SLC20A2: variants seen among roughly 807,000 people sequenced by gnomAD.
SLC20A2 encodes the protein sodium-dependent phosphate transporter 2.
In SLC20A2, 30 loss-of-function variants were observed where a neutral mutation model predicts 61.0. That is an observed-to-expected ratio of 0.49 (90% CI 0.37 to 0.67). The LOEUF (loss-of-function observed/expected upper bound fraction) is 0.67. SLC20A2 is among the 30% of genes least tolerant of loss of function. SLC20A2 has a pLI of 0.00. For synonymous variants in SLC20A2, 351 were observed against 353.3 expected, an observed-to-expected ratio of 0.99 and a Z score of 0.07; for missense variants, 626 against 866.4, an observed-to-expected ratio of 0.72 and a Z score of 3.48.
chr8:42,418,988 G>A (rs1425130489), intron 10 of SLC20A2, among the ~76,000 whole-genome samples: 4 of 117,542 alleles, frequency 3.4e-5, no homozygotes, highest in Admixed American at 1.1e-4. Context: ...CAACCTGGGC[G>A]ACAGAGAGAG....
chr8:42,530,133 T>C (rs771844431), intron 1 of SLC20A2, among the ~76,000 whole-genome samples: 1 of 152,112 alleles, frequency 6.6e-6, no homozygotes, highest in South Asian at 2.1e-4. Context: ...ATGAATTTTT[T>C]CAGGTGAAAA....
chr8:42,533,302 A>G (rs761140097), intron 1 of SLC20A2, among the ~76,000 whole-genome samples: 2 of 152,082 alleles, frequency 1.3e-5, no homozygotes, highest in African/African-American at 2.4e-5. Context: ...GTTCTAATCA[A>G]CAAACTACTT....
intron 1 of SLC20A2, among the ~76,000 whole-genome samples, chr8:42,516,742 T>G (rs570974635): frequency 6.6e-6 from 1 of 152,194 alleles, no homozygotes; most frequent in African/African-American, 2.4e-5. Context: ...CCTTTCTCCA[T>G]CCACCACTAG....
rs147775311 is a variant in SLC20A2, at chr8:42,437,882, C to T, written c.935-305G>A. ...GCCCACCTTGGCCTCCTAAAGTGCTCGGATTACAAGCGTGAGCCAACGTGC... is the reference window on the plus strand; with the variant it reads ...GCCCACCTTGGCCTCCTAAAGTGCTTGGATTACAAGCGTGAGCCAACGTGC... On this transcript the variant is annotated intron_variant, in intron 7 of 10. Transcript: ENST00000520262. The surrounding 1 kb of genome is among the most constrained non-coding windows in gnomAD (Gnocchi z 6.4). Among the ~76,000 whole-genome samples the T allele has an allele frequency of 6.6e-6, 1 of 151,592 alleles. No individual in the cohort carries two copies. The highest frequency in any genetic ancestry group is 2.4e-5 in the African/African-American group (1 of 41,396).
intron 1 of SLC20A2, among the ~76,000 whole-genome samples, chr8:42,494,065 C>CT (rs1339628078): frequency 1.3e-5 from 2 of 152,136 alleles, no homozygotes; most frequent in African/African-American, 4.8e-5. Flanking sequence ...ATCGCTCAAG[C>CT]TGGGGGAGTC....
At chr8:42,434,310 C>T (rs375998384) in intron 8 of SLC20A2, among the ~76,000 whole-genome samples, 1 of 152,158 alleles carries the variant, frequency 6.6e-6, no homozygotes, top group Non-Finnish European at 1.5e-5. Flanking sequence ...TGGTCTTGAA[C>T]GCCCGACCTC....
At chr8:42,431,002 T>C (rs975607775) in intron 8 of SLC20A2, among the ~76,000 whole-genome samples, 3 of 152,194 alleles carry the variant, frequency 2.0e-5, no homozygotes, top group Non-Finnish European at 4.4e-5. Flanking sequence ...TCCTGAGATA[T>C]TGCTATATTG....
chr8:42,471,128 A>G (rs778483113), intron 2 of SLC20A2: 1 of 456,056 alleles, frequency 2.2e-6, no homozygotes, highest in South Asian at 1.5e-5. Context: ...AGGTGGTAGA[A>G]TTCCTCTCTA....
chr8:42,485,944 CAAAA>C (rs368127646), intron 1 of SLC20A2, among the ~76,000 whole-genome samples: 5 of 113,654 alleles, frequency 4.4e-5, no homozygotes, highest in Non-Finnish European at 8.0e-5. Context: ...GACTCCGTCT[CAAAA>C]AAAAAAAAAA....
In SLC20A2 at chr8:42,437,646, G is replaced by T; in HGVS notation, c.935-69C>A. 7.7e-7 allele frequency: 1 copy of T among 1,306,624 alleles called. No homozygotes were observed. The highest frequency in any genetic ancestry group is 1.0e-6 in the Non-Finnish European group (1 of 976,280). 80.9% of individuals were successfully genotyped at this position (1,306,624 alleles called of 1,614,324 possible). A position where few individuals can be genotyped will look rare whatever the true frequency, so the allele number is the denominator to read the frequency against. On this transcript the variant is annotated intron_variant, in intron 7 of 10. Coordinates refer to ENST00000520262, the MANE Select transcript of SLC20A2 (RefSeq NM_001257180.2). This position sits in a 1 kb window ranked among gnomAD's most constrained non-coding sequence, Gnocchi z 6.4. ...TTTTTTCTTTTCTTTTTGAGACGGA[G>T]CCTTGCTCTGTCCTCAGGGTGGAGT...
chr8:42,455,971 T>C (rs1806162473), intron 5 of SLC20A2, among the ~76,000 whole-genome samples: 1 of 152,212 alleles, frequency 6.6e-6, no homozygotes, highest in African/African-American at 2.4e-5. Context: ...ACAGTTACAT[T>C]ATTTATTTCT....
At chr8:42,475,911 G>A (rs1263264393) in intron 1 of SLC20A2, among the ~76,000 whole-genome samples, 1 of 151,932 alleles carries the variant, frequency 6.6e-6, no homozygotes, top group Non-Finnish European at 1.5e-5. Context: ...ACCAGATGGT[G>A]GATTAAACAT....
chr8:42,470,477 C>T (rs886128800), intron 2 of SLC20A2, among the ~76,000 whole-genome samples: 1 of 152,012 alleles, frequency 6.6e-6, no homozygotes, highest in Non-Finnish European at 1.5e-5. Context: ...TCTCGGGGGC[C>T]TCCCAAAGTT....
chr8:42,476,619 A>C (rs1463091831), intron 1 of SLC20A2, among the ~76,000 whole-genome samples: 1 of 152,078 alleles, frequency 6.6e-6, no homozygotes, highest in African/African-American at 2.4e-5. Context: ...TCCCCTTGGC[A>C]CTGTGTCAGC....
intron 1 of SLC20A2, among the ~76,000 whole-genome samples, chr8:42,485,877 C>A (rs1183378553): frequency 1.3e-5 from 2 of 149,468 alleles, no homozygotes; most frequent in African/African-American, 4.9e-5. Context: ...ACCCGGGAGG[C>A]GGAGGTTGCA....
At chr8:42,531,117 C>T (rs1240863063) in intron 1 of SLC20A2, among the ~76,000 whole-genome samples, 1 of 152,180 alleles carries the variant, frequency 6.6e-6, no homozygotes, top group Non-Finnish European at 1.5e-5. Context: ...TATTAATATT[C>T]CCTATTCAAC....
chr8:42,490,422 C>A (rs1316363263), intron 1 of SLC20A2, among the ~76,000 whole-genome samples: 4 of 152,050 alleles, frequency 2.6e-5, no homozygotes, highest in African/African-American at 7.2e-5. Flanking sequence ...AAATGGTAAA[C>A]CCTGTCTCTA....
Position 42,439,507 on chromosome 8 carries a change from C to G in SLC20A2, c.877G>C (p.Glu293Gln), listed in dbSNP as rs1054611493. Residue 293 changes from glutamate to glutamine, a missense_variant, in exon 7 of 11, where the codon GAG becomes CAG. Physicochemically the swap from Glu to Gln is conservative, Grantham distance 29. Around this residue, in one of 3 missense-constraint regions of SLC20A2, gnomAD observed 361 missense variants for 422.3 expected, o/e 0.85. Coordinates refer to ENST00000520262, the MANE Select transcript of SLC20A2 (RefSeq NM_001257180.2). ...GTGCCTTCCGAGGTCCCCAGTGTCTCCCCTGCTGCTCCCGTGAGCGGGATG... is the reference window on the plus strand; with the variant it reads ...GTGCCTTCCGAGGTCCCCAGTGTCTGCCCTGCTGCTCCCGTGAGCGGGATG... ...STIPLTGAAG[E>Q]TLGTSEGTSA... 2 of 1,614,192 alleles carry G rather than the reference C, an allele frequency of 1.2e-6. No individual in the cohort carries two copies. Among genetic ancestry groups the G allele is most frequent in the Admixed American group, 3.3e-5 (2 of 60,024 alleles).
intron 10 of SLC20A2, among the ~76,000 whole-genome samples, chr8:42,424,347 C>T (rs1213370704): frequency 6.6e-6 from 1 of 152,002 alleles, no homozygotes; most frequent in African/African-American, 2.4e-5. Flanking sequence ...GATAGTTTTG[C>T]TCTTGTTGCC....
Sources: gnomAD v4.1 joint callset for allele counts (sites outside exome capture counted in the v4.1 genomes callset) on GRCh38, gnomAD v4.1.1 for gene constraint, gnomAD v4.1.1 regional missense constraint, Gnocchi (gnomAD v3.1) non-coding constraint, MANE v1.5 for transcripts, NCBI Gene and HGNC (gene_info 2026-07-23, HGNC 2026-07-21) for gene names.